Variants in MICOS10 observed in about 807,000 individuals in gnomAD.
The protein encoded by MICOS10 is MICOS complex subunit MIC10.
Under a neutral mutation model 13.4 loss-of-function variants are expected in MICOS10, and 5 were observed. The observed-to-expected ratio is 0.37, with a 90% CI of 0.20 to 0.78. The LOEUF (loss-of-function observed/expected upper bound fraction) is 0.78, where lower values mean the gene tolerates loss of function less well. MICOS10 is among the 30% of genes least tolerant of loss of function. MICOS10 has a pLI of 0.47. For missense variants in MICOS10, 101 were observed against 94.6 expected (o/e 1.07, Z -0.28); for synonymous variants, 35 against 33.6 (o/e 1.04, Z -0.15).
At chr1:19,597,461 C>G (rs1027290305) in intron 1 of MICOS10, among the ~76,000 whole-genome samples, 1 of 152,208 alleles carries the variant, frequency 6.6e-6, no homozygotes, top group Non-Finnish European at 1.5e-5. Context: ...GTGCATTCCC[C>G]GGCACGCGGC....
In MICOS10 at chr1:19,627,096, C is replaced by T. The variant is rs993798675; in HGVS notation, c.*695C>T. On this transcript the variant is annotated 3_prime_UTR_variant, in exon 4 of 4. Coordinates refer to ENST00000322753, the MANE Select transcript of MICOS10 (RefSeq NM_001032363.4). ...GGGCGGAGGAAAGCTCATGGCATAC[C>T]CACCTGGCCGGAGGAGCCCGATTGG... is the stretch of plus-strand genomic sequence containing the variant. The T allele has an allele frequency of 1.3e-5, 2 of 152,246 alleles. No homozygotes were observed. The highest frequency in any genetic ancestry group is 2.4e-5 in the African/African-American group (1 of 41,438). 9.4% of individuals were successfully genotyped at this position (152,246 alleles called of 1,614,324 possible).
intron 1 of MICOS10, among the ~76,000 whole-genome samples, chr1:19,611,705 C>T (rs1288141457): frequency 2.0e-5 from 3 of 151,940 alleles, no homozygotes; most frequent in Non-Finnish European, 4.4e-5. Flanking sequence ...GGCGCGATGG[C>T]TCACACCTAT....
chr1:19,612,030 T>C (rs2792049), intron 1 of MICOS10, among the ~76,000 whole-genome samples: 15,300 of 148,886 alleles, frequency 0.1, 2,749 homozygotes, highest in African/African-American at 0.37. Flanking sequence ...AATTCTTAGG[T>C]TTTTTAATTT....
At chr1:19,616,789 A>G (rs115291214) in intron 1 of MICOS10, among the ~76,000 whole-genome samples, 14 of 152,314 alleles carry the variant, frequency 9.2e-5, no homozygotes, top group African/African-American at 3.1e-4. Context: ...ATAGGTTTTC[A>G]TAAGGTTTCA....
intron 1 of MICOS10, among the ~76,000 whole-genome samples, chr1:19,619,476 C>G (rs2100317057): frequency 6.6e-6 from 1 of 152,238 alleles, no homozygotes; most frequent in Non-Finnish European, 1.5e-5. Flanking sequence ...CTTTTATTAC[C>G]AAAAGGTGGC....
At chr1:19,611,592 C>T (rs2094861956) in intron 1 of MICOS10, among the ~76,000 whole-genome samples, 1 of 150,628 alleles carries the variant, frequency 6.6e-6, no homozygotes, top group African/African-American at 2.5e-5. Flanking sequence ...CCTGCCTGGG[C>T]CTCTCAAAGT....
rs948173983 is a variant in MICOS10 at position 19,629,688 on chromosome 1, C to G, written c.*3287C>G. 1 of 152,176 alleles carries G rather than the reference C, an allele frequency of 6.6e-6. No individual in the cohort carries two copies. Among genetic ancestry groups the G allele is most frequent in the African/African-American group, 2.4e-5 (1 of 41,442 alleles). The allele number at this position is 152,176 out of a possible 1,614,324, so 9.4% of individuals were successfully genotyped here. ...GATGTAGTTTTGCTTTTAGTTTTCC[C>G]AAACCTGTTTACATTTTTTAAAAAT... is the stretch of plus-strand genomic sequence containing the variant. On this transcript the variant is annotated 3_prime_UTR_variant, in exon 4 of 4. Transcript: ENST00000322753.
At chr1:19,620,132 A>G (rs543452750) in intron 1 of MICOS10, among the ~76,000 whole-genome samples, 6 of 152,382 alleles carry the variant, frequency 3.9e-5, no homozygotes, top group African/African-American at 1.4e-4. Context: ...TTGTCATGCA[A>G]CAGCAACAAA....
chr1:19,601,067 A>G, intron 1 of MICOS10: 3 of 1,217,268 alleles, frequency 2.5e-6, no homozygotes, highest in Admixed American at 4.6e-5. Flanking sequence ...TACGATGACT[A>G]TTATAATCAC....
chr1:19,603,864 G>A (rs2094825188), intron 1 of MICOS10, among the ~76,000 whole-genome samples: 1 of 152,172 alleles, frequency 6.6e-6, no homozygotes, highest in African/African-American at 2.4e-5. Context: ...TCATGGTGGA[G>A]GGAGAGGTCC....
chr1:19,606,361 G>A (rs774190950), intron 1 of MICOS10, among the ~76,000 whole-genome samples: 10 of 152,264 alleles, frequency 6.6e-5, no homozygotes, highest in Non-Finnish European at 1.3e-4. Flanking sequence ...CTAATTATAT[G>A]CAGCTCAGTT....
chr1:19,606,357 AT>A (rs1195690553), intron 1 of MICOS10, among the ~76,000 whole-genome samples: 1 of 152,204 alleles, frequency 6.6e-6, no homozygotes. Context: ...GTCTCTAATT[AT>A]ATGCAGCTCA....
chr1:19,602,752 A>G (rs2094820472), intron 1 of MICOS10, among the ~76,000 whole-genome samples: 2 of 152,156 alleles, frequency 1.3e-5, no homozygotes, highest in African/African-American at 2.4e-5. Flanking sequence ...CCTTGTATGT[A>G]TGGGTAATCT....
chr1:19,622,197 C>T lies in MICOS10; in HGVS notation c.112+50C>T, dbSNP rs540920468. The T allele has an allele frequency of 5.6e-5, 82 of 1,463,726 alleles. No individual in the cohort carries two copies. In the South Asian group the frequency reaches 9.5e-4, roughly 17 times the overall value. The allele number at this position is 1,463,726 out of a possible 1,614,324, so 90.7% of individuals were successfully genotyped here. On this transcript the variant is annotated intron_variant, in intron 2 of 3. Coordinates refer to ENST00000322753, the MANE Select transcript of MICOS10 (RefSeq NM_001032363.4). ...CATAATGTCATAGTGTATACATATA[C>T]GTAGCAGGGACACTTCCAGAGGACA...
intron 1 of MICOS10, among the ~76,000 whole-genome samples, chr1:19,612,066 G>A (rs541718830): frequency 2.7e-5 from 4 of 149,770 alleles, no homozygotes; most frequent in South Asian, 2.1e-4. Context: ...TATTTGAGAC[G>A]GAGTCTCACT....
chr1:19,623,247 T>C (rs774496998), intron 2 of MICOS10, among the ~76,000 whole-genome samples: 82 of 152,188 alleles, frequency 5.4e-4, no homozygotes, highest in Non-Finnish European at 1.1e-3. Context: ...CTCAAACTTA[T>C]CAGCATAGGC....
chr1:19,605,442 C>G (rs915046206), intron 1 of MICOS10, among the ~76,000 whole-genome samples: 3 of 152,148 alleles, frequency 2.0e-5, no homozygotes, highest in Admixed American at 6.6e-5. Context: ...CCCCAGGCAA[C>G]CACCAATTTA....
At position 19,626,693 on chromosome 1, in the gene MICOS10, A is replaced by C. The variant is rs1570516569; in HGVS notation, c.*292A>C. The C allele has an allele frequency of 2.7e-6, 1 of 372,210 alleles. No individual in the cohort carries two copies. The highest frequency in any genetic ancestry group is 5.1e-6 in the Non-Finnish European group (1 of 196,982). The allele number at this position is 372,210 out of a possible 1,614,324, so 23.1% of individuals were successfully genotyped here. On this transcript the variant is annotated 3_prime_UTR_variant, in exon 4 of 4. Coordinates refer to ENST00000322753, the MANE Select transcript of MICOS10 (RefSeq NM_001032363.4). ...TGAGCATGAGGAGGACTGTGTGTGA[A>C]CTGCCAGCAGCTGTAGCCACCTGCT...
intron 1 of MICOS10, among the ~76,000 whole-genome samples, chr1:19,599,695 A>G (rs2094806456): frequency 6.6e-6 from 1 of 152,194 alleles, no homozygotes; most frequent in South Asian, 2.1e-4. Context: ...TTGGATTTTT[A>G]TGAGGAGTAA....
Sources: gnomAD v4.1 joint callset for allele counts (sites outside exome capture counted in the v4.1 genomes callset) on GRCh38, gnomAD v4.1.1 for gene constraint, MANE v1.5 for transcripts, NCBI Gene and HGNC (gene_info 2026-07-23, HGNC 2026-07-21) for gene names.